PAPPA: variants seen among roughly 807,000 people sequenced by gnomAD.
PAPPA encodes the protein pappalysin-1.
PAPPA carries 60 observed loss-of-function variants against 164.0 expected under a neutral mutation model. That is an observed-to-expected ratio of 0.37 (90% CI 0.30 to 0.45). The LOEUF is 0.45. Ranked by LOEUF, PAPPA falls within the 20% of genes least tolerant of loss-of-function variation. PAPPA has a pLI of 1.00. For synonymous variants in PAPPA, 875 were observed against 814.1 expected (o/e 1.07, Z -1.27); for missense variants, 1,782 against 2,087.3 (o/e 0.85, Z 2.85).
chr9:116,292,297 G>T (rs564322613), intron 9 of PAPPA, among the ~76,000 whole-genome samples: 10 of 152,322 alleles, frequency 6.6e-5, no homozygotes, highest in African/African-American at 2.4e-4. Flanking sequence ...CACTATAGCT[G>T]TTCTGAAGGA....
At position 116,220,660 on chromosome 9, in the gene PAPPA, G is replaced by A. The variant is rs142267336; in HGVS notation, c.2111+531G>A. Among the ~76,000 whole-genome samples, 249 of 151,922 alleles carry A rather than the reference G, an allele frequency of 1.6e-3. 1 individual carries two copies. The highest frequency in any genetic ancestry group is 0.013 in the South Asian group (63 of 4,820). ...TTCCAGCACTTTGGGAGGCCAAGGTGGGCAGATCATGAGGTCAGGAGTTCG... is the reference window on the plus strand; with the variant it reads ...TTCCAGCACTTTGGGAGGCCAAGGTAGGCAGATCATGAGGTCAGGAGTTCG... On this transcript the variant is annotated intron_variant, in intron 5 of 21. Transcript: ENST00000328252.
chr9:116,343,316 T>G (rs1232520396), intron 13 of PAPPA, among the ~76,000 whole-genome samples: 1 of 152,196 alleles, frequency 6.6e-6, no homozygotes, highest in Non-Finnish European at 1.5e-5. Context: ...AAGATTAGCC[T>G]GCAATCTGTT....
At chr9:116,324,438 G>A (rs1004601211) in intron 10 of PAPPA, among the ~76,000 whole-genome samples, 3 of 152,156 alleles carry the variant, frequency 2.0e-5, no homozygotes, top group Non-Finnish European at 4.4e-5. Context: ...TACTGCTGCT[G>A]TTGCCTGCTG....
chr9:116,202,629 A>G (rs1457086358), intron 2 of PAPPA, among the ~76,000 whole-genome samples: 1 of 152,086 alleles, frequency 6.6e-6, no homozygotes, highest in African/African-American at 2.4e-5. Flanking sequence ...AAAGTTTCTA[A>G]ATCAGGAGGG....
chr9:116,270,668 C>T (rs936540859), intron 8 of PAPPA, among the ~76,000 whole-genome samples: 1 of 152,104 alleles, frequency 6.6e-6, no homozygotes, highest in South Asian at 2.1e-4. Context: ...CCATCCCAAC[C>T]CTTTGCAAAA....
intron 9 of PAPPA, among the ~76,000 whole-genome samples, chr9:116,289,326 C>A: frequency 7.3e-6 from 1 of 137,296 alleles, no homozygotes; most frequent in Non-Finnish European, 1.6e-5. Context: ...ATATATATGG[C>A]ATATATATAG....
chr9:116,284,840 C>T (rs942179952), intron 9 of PAPPA, among the ~76,000 whole-genome samples: 2 of 152,124 alleles, frequency 1.3e-5, no homozygotes, highest in African/African-American at 4.8e-5. Context: ...GCGTCCAAAT[C>T]AGTCTCTCTC....
chr9:116,179,700 TC>T (rs779451575), intron 1 of PAPPA, among the ~76,000 whole-genome samples: 2 of 151,856 alleles, frequency 1.3e-5, no homozygotes, highest in Admixed American at 6.6e-5. Flanking sequence ...TTGGTGGGTC[TC>T]CCCCCCGACT....
chr9:116,337,274 G>A (rs1846072899), intron 13 of PAPPA, among the ~76,000 whole-genome samples: 1 of 152,182 alleles, frequency 6.6e-6, no homozygotes, highest in Non-Finnish European at 1.5e-5. Context: ...TGAATCTTGA[G>A]GGCTGAGGCT....
chr9:116,166,018 A>G (rs1054237253), intron 1 of PAPPA, among the ~76,000 whole-genome samples: 2 of 152,208 alleles, frequency 1.3e-5, no homozygotes, highest in South Asian at 2.1e-4. Context: ...TTTTTGTTTA[A>G]TAAATGGATA....
intron 7 of PAPPA, among the ~76,000 whole-genome samples, chr9:116,260,699 G>A (rs892808932): frequency 1.3e-5 from 2 of 152,058 alleles, no homozygotes; most frequent in Non-Finnish European, 2.9e-5. Context: ...CCCATGGATT[G>A]CAGAACTAAT....
In PAPPA at chr9:116,401,977, T is replaced by C. The variant is rs1340629253; in HGVS notation, c.*5361T>C. On this transcript the variant is annotated 3_prime_UTR_variant, in exon 22 of 22. Transcript: ENST00000328252. ...AATTTGCTGCTCCTATTTTTTTTTC[T>C]GTTTATGTGTTTTTATGGATCTAAG... 6.6e-6 allele frequency: 1 copy of C among 152,470 alleles called. No homozygotes were observed. Among genetic ancestry groups the C allele is most frequent in the Non-Finnish European group, 1.5e-5 (1 of 67,958 alleles). 9.4% of individuals were successfully genotyped at this position (152,470 alleles called of 1,614,324 possible). A position where few individuals can be genotyped will look rare whatever the true frequency, so the allele number is the denominator to read the frequency against.
At chr9:116,358,735 T>C (rs1040239701) in intron 17 of PAPPA, among the ~76,000 whole-genome samples, 1 of 152,224 alleles carries the variant, frequency 6.6e-6, no homozygotes, top group Admixed American at 6.5e-5. Context: ...CCTCTTCTCT[T>C]CTTTCCCTTC....
intron 10 of PAPPA, among the ~76,000 whole-genome samples, chr9:116,314,060 C>CTTTTTTTTTT (rs57871796): frequency 7.2e-5 from 5 of 69,728 alleles, no homozygotes; most frequent in Admixed American, 1.5e-4. Flanking sequence ...TGCATCGAAT[C>CTTTTTTTTTT]TTTTTTTTTT....
intron 2 of PAPPA, 126 bp from the exon 3 acceptor site, chr9:116,207,330 A>T: frequency 1.5e-6 from 1 of 657,696 alleles, no homozygotes; most frequent in South Asian, 2.3e-5. Context: ...GGGGGAATTC[A>T]ATAAGGTAGT....
chr9:116,206,201 C>T lies in PAPPA; in HGVS notation c.1479-1255C>T, dbSNP rs562884996. On this transcript the variant is annotated intron_variant, in intron 2 of 21. Coordinates refer to ENST00000328252, the MANE Select transcript of PAPPA (RefSeq NM_002581.5). ...GGCTATTCTTGGAATTAGTCAGCTA[C>T]ACCTAGACATAAATGTAAGCTCTCC... 4.6e-5 allele frequency among the ~76,000 whole-genome samples: 7 copies of T among 152,302 alleles called. No individual in the cohort carries two copies. In the South Asian group the frequency reaches 1.2e-3, roughly 27 times the overall value.
intron 10 of PAPPA, among the ~76,000 whole-genome samples, chr9:116,307,525 G>C (rs936298919): frequency 6.6e-6 from 1 of 152,024 alleles, no homozygotes; most frequent in Non-Finnish European, 1.5e-5. Flanking sequence ...GCTTGAACCC[G>C]GTTCAAGCGG....
chr9:116,297,904 G>A (rs1001070359), intron 9 of PAPPA, among the ~76,000 whole-genome samples: 1 of 152,162 alleles, frequency 6.6e-6, no homozygotes, highest in African/African-American at 2.4e-5. Flanking sequence ...ACCTTGTTGA[G>A]AAAGTCTAAA....
Position 116,301,738 on chromosome 9 carries a change from T to C in PAPPA, c.2954-1019T>C, listed in dbSNP as rs72754249. ...ATGACATGGGAGCTTGAGAATTCACTTGGTCTTTAACTAAAACTCCTAGGG... is the reference window on the plus strand; with the variant it reads ...ATGACATGGGAGCTTGAGAATTCACCTGGTCTTTAACTAAAACTCCTAGGG... On this transcript the variant is annotated intron_variant, in intron 9 of 21. Coordinates refer to ENST00000328252, the MANE Select transcript of PAPPA (RefSeq NM_002581.5). Among the ~76,000 whole-genome samples the C allele has an allele frequency of 4.7e-3, 721 of 152,336 alleles. 3 individuals carry two copies. Among genetic ancestry groups the C allele is most frequent in the Non-Finnish European group, 7.1e-3 (486 of 68,026 alleles).
Sources: allele counts gnomAD v4.1 joint callset (sites outside exome capture counted in the v4.1 genomes callset), GRCh38; gene constraint gnomAD v4.1.1; transcripts MANE v1.5; gene names NCBI Gene and HGNC (gene_info 2026-07-23, HGNC 2026-07-21).